Variants in ERC1 observed in about 807,000 individuals in gnomAD.
The protein encoded by ERC1 is RAB6 interacting protein 2.
A neutral mutation model predicts 132.0 loss-of-function variants in ERC1; 56 were observed. That is an observed-to-expected ratio of 0.42 (90% CI 0.34 to 0.53). The LOEUF (loss-of-function observed/expected upper bound fraction) is 0.53. Ranked by LOEUF, ERC1 falls within the 20% of genes least tolerant of loss-of-function variation. The pLI, the probability that ERC1 is intolerant of heterozygous loss-of-function variation, is 0.03. For synonymous variants in ERC1, 478 were observed against 476.1 expected (o/e 1.00, Z -0.05); for missense variants, 1,202 against 1,349.9 (o/e 0.89, Z 1.72).
chr12:1,202,794 C>T (rs941178579), intron 12 of ERC1, among the ~76,000 whole-genome samples: 2 of 152,136 alleles, frequency 1.3e-5, no homozygotes, highest in Admixed American at 6.5e-5. Flanking sequence ...TGGATTTACC[C>T]GTGTGTTATG....
chr12:1,117,014 T>C (rs1946530657), intron 7 of ERC1, among the ~76,000 whole-genome samples: 1 of 152,252 alleles, frequency 6.6e-6, no homozygotes, highest in South Asian at 2.1e-4. Flanking sequence ...AGATCGATTC[T>C]TATCTATCTT....
chr12:1,353,251 C>T (rs573595134), intron 15 of ERC1, among the ~76,000 whole-genome samples: 4 of 152,002 alleles, frequency 2.6e-5, no homozygotes, highest in East Asian at 3.9e-4. Flanking sequence ...AGGATGGTCT[C>T]GATCTCCTGA....
chr12:1,470,824 C>T (rs565716364), intron 18 of ERC1, among the ~76,000 whole-genome samples: 9 of 152,280 alleles, frequency 5.9e-5, no homozygotes, highest in African/African-American at 1.4e-4. Context: ...AGAGTCCATC[C>T]GTCCATCTCT....
At chr12:1,117,497 CAGT>C (rs1219119482) in intron 7 of ERC1, among the ~76,000 whole-genome samples, 3 of 152,106 alleles carry the variant, frequency 2.0e-5, no homozygotes. Flanking sequence ...TCATGAGATG[CAGT>C]AGTGGCTAAG....
At chr12:1,236,736 T>C in intron 12 of ERC1, 33 bp from the exon 13 acceptor site, 1 of 1,602,678 alleles carries the variant, frequency 6.2e-7, no homozygotes, top group Non-Finnish European at 8.5e-7. Context: ...TACATACATA[T>C]GCAAAGCTTG....
chr12:1,273,491 C>T (rs2078026599), intron 14 of ERC1, among the ~76,000 whole-genome samples: 1 of 152,168 alleles, frequency 6.6e-6, no homozygotes, highest in African/African-American at 2.4e-5. Context: ...TCTGAAACCT[C>T]TGTAGTCTTT....
At chr12:1,051,203 G>A (rs999894319) in intron 2 of ERC1, among the ~76,000 whole-genome samples, 2 of 152,076 alleles carry the variant, frequency 1.3e-5, no homozygotes, top group Admixed American at 6.6e-5. Flanking sequence ...AATACTTTTG[G>A]TCAGCCCCCA....
chr12:1,470,476 C>T (rs2093838889), intron 18 of ERC1, among the ~76,000 whole-genome samples: 2 of 151,180 alleles, frequency 1.3e-5, no homozygotes, highest in Non-Finnish European at 2.9e-5. Flanking sequence ...CATCTTCTCC[C>T]TTTTGACACT....
rs1311759016 is a variant in ERC1, at chr12:1,353,037, T to TC, written c.2781-18796_2781-18795insC. Reference sequence around the variant, plus strand: ...AGTCTTCTTTTCTTTTCTTTTTTTTTTTTTTTTTTCTGAGATGGAGTCTCG... The same window carrying TC: ...AGTCTTCTTTTCTTTTCTTTTTTTTTCTTTTTTTTTCTGAGATGGAGTCTCG... On this transcript the variant is annotated intron_variant, in intron 15 of 18. Coordinates refer to ENST00000360905, the MANE Select transcript of ERC1 (RefSeq NM_178040.4). Among the ~76,000 whole-genome samples, 18 of 150,476 alleles carry TC rather than the reference T, an allele frequency of 1.2e-4. 1 individual carries two copies. The highest frequency in any genetic ancestry group is 4.4e-4 in the African/African-American group (18 of 41,234).
chr12:1,008,069 T>C (rs1964035362), intron 1 of ERC1, among the ~76,000 whole-genome samples: 1 of 152,204 alleles, frequency 6.6e-6, no homozygotes, highest in African/African-American at 2.4e-5. Flanking sequence ...GAACTTTGGT[T>C]CCACAGTATT....
chr12:1,194,831 G>A (rs978995546), intron 12 of ERC1, among the ~76,000 whole-genome samples: 2 of 151,892 alleles, frequency 1.3e-5, no homozygotes, highest in Admixed American at 6.6e-5. Context: ...AATTTTCAGT[G>A]ATCCAAAGAA....
chr12:1,336,398 G>A (rs527311039), intron 15 of ERC1, among the ~76,000 whole-genome samples: 92 of 152,128 alleles, frequency 6.0e-4, no homozygotes, highest in African/African-American at 1.9e-3. Flanking sequence ...TGATATGAAC[G>A]TCCCTGTTAA....
chr12:1,389,883 A>G (rs2089792868), intron 16 of ERC1, among the ~76,000 whole-genome samples: 1 of 152,242 alleles, frequency 6.6e-6, no homozygotes, highest in Admixed American at 6.5e-5. Flanking sequence ...TTCAGTCTCT[A>G]AGCAAAAATA....
At chr12:1,004,317 C>G (rs1010548615) in intron 1 of ERC1, among the ~76,000 whole-genome samples, 5 of 151,726 alleles carry the variant, frequency 3.3e-5, no homozygotes, top group African/African-American at 7.3e-5. Context: ...GCTTCCCCCC[C>G]TTTCAACCCA....
intron 18 of ERC1, among the ~76,000 whole-genome samples, chr12:1,462,514 C>A (rs1457887499): frequency 6.6e-6 from 1 of 152,148 alleles, no homozygotes; most frequent in Non-Finnish European, 1.5e-5. Flanking sequence ...GAATGAACTA[C>A]TAATACAAAC....
At chr12:1,174,220 G>A (rs1264126557) in intron 8 of ERC1, among the ~76,000 whole-genome samples, 1 of 152,244 alleles carries the variant, frequency 6.6e-6, no homozygotes, top group African/African-American at 2.4e-5. Flanking sequence ...TACACAGCTG[G>A]TTTGCACCTA....
intron 16 of ERC1, among the ~76,000 whole-genome samples, chr12:1,389,906 A>G (rs553875683): frequency 6.6e-6 from 1 of 152,354 alleles, no homozygotes; most frequent in East Asian, 1.9e-4. Context: ...TAGTGCCTTT[A>G]AAGAAACAAC....
chr12:1,084,400 T>C (rs973407088), intron 3 of ERC1, among the ~76,000 whole-genome samples: 1 of 152,210 alleles, frequency 6.6e-6, no homozygotes, highest in Non-Finnish European at 1.5e-5. Flanking sequence ...AAAAATGGCG[T>C]ATTCCCAAAG....
intron 1 of ERC1, among the ~76,000 whole-genome samples, chr12:1,003,289 TTTTCTGTGC>T: frequency 1.3e-5 from 2 of 152,142 alleles, no homozygotes; most frequent in Non-Finnish European, 2.9e-5. Context: ...TGTTTTATAG[TTTTCTGTGC>T]AGTATTACAC....
Sources: gnomAD v4.1 joint callset for allele counts (sites outside exome capture counted in the v4.1 genomes callset) on GRCh38, gnomAD v4.1.1 for gene constraint, MANE v1.5 for transcripts, NCBI Gene and HGNC (gene_info 2026-07-23, HGNC 2026-07-21) for gene names.